The following TTLL11 variants were observed in gnomAD, a reference collection of about 807,000 sequenced individuals.
TTLL11 encodes tubulin tyrosine ligase like 11.
A neutral mutation model predicts 51.7 loss-of-function variants in TTLL11; 42 were observed. The ratio of observed to expected loss-of-function variants is 0.81; its 90% CI spans 0.64 to 1.05. The LOEUF (loss-of-function observed/expected upper bound fraction) is 1.05. Among genes scored for constraint, TTLL11 ranks in the 50% least tolerant of loss-of-function variants. The pLI is 0.00. For synonymous variants in TTLL11, 381 were observed against 383.5 expected, an observed-to-expected ratio of 0.99 and a Z score of 0.08; for missense variants, 799 against 940.4, an observed-to-expected ratio of 0.85 and a Z score of 1.97.
intron 8 of TTLL11, among the ~76,000 whole-genome samples, chr9:121,841,615 C>T (rs368289436): frequency 1.5e-4 from 23 of 152,258 alleles, no homozygotes; most frequent in African/African-American, 5.3e-4. Context: ...GGGCTGAGGA[C>T]ACATCTTTGC....
intron 3 of TTLL11, among the ~76,000 whole-genome samples, chr9:122,021,514 G>A (rs1292527963): frequency 6.6e-6 from 1 of 152,184 alleles, no homozygotes; most frequent in Non-Finnish European, 1.5e-5. Flanking sequence ...ACAGAGCCAG[G>A]AGTAGTGTCT....
chr9:122,023,985 C>T (rs11506794), intron 3 of TTLL11, among the ~76,000 whole-genome samples: 3 of 151,832 alleles, frequency 2.0e-5, no homozygotes, highest in South Asian at 2.1e-4. Context: ...AAGAAATAAA[C>T]GGCTAATTAC....
intron 3 of TTLL11, among the ~76,000 whole-genome samples, chr9:122,012,758 C>T (rs1367584467): frequency 6.6e-6 from 1 of 151,994 alleles, no homozygotes; most frequent in Non-Finnish European, 1.5e-5. Flanking sequence ...TAGCTCTTTT[C>T]TTCTCCTAAG....
chr9:121,984,784 T>C (rs1476940799), intron 4 of TTLL11, among the ~76,000 whole-genome samples: 1 of 152,136 alleles, frequency 6.6e-6, no homozygotes, highest in Non-Finnish European at 1.5e-5. Flanking sequence ...GACCAAGCAA[T>C]GGAACTGGGA....
intron 1 of TTLL11, among the ~76,000 whole-genome samples, chr9:122,061,103 G>A (rs538379708): frequency 1.3e-5 from 2 of 152,230 alleles, no homozygotes; most frequent in South Asian, 4.1e-4. Context: ...CACTTGCCTT[G>A]TTCACACATC....
intron 6 of TTLL11, among the ~76,000 whole-genome samples, chr9:121,938,425 AAC>A (rs1326714351): frequency 4.6e-5 from 7 of 152,180 alleles, no homozygotes; most frequent in African/African-American, 1.7e-4. Context: ...ATTCTTTGCA[AAC>A]AAAAAATAAG....
intron 6 of TTLL11, among the ~76,000 whole-genome samples, chr9:121,882,356 A>G (rs1463984960): frequency 6.6e-6 from 1 of 152,184 alleles, no homozygotes; most frequent in Non-Finnish European, 1.5e-5. Context: ...TGGCCGCAGC[A>G]CGAGAACACT....
At chr9:121,898,938 G>A (rs919795591) in intron 6 of TTLL11, among the ~76,000 whole-genome samples, 2 of 152,164 alleles carry the variant, frequency 1.3e-5, no homozygotes, top group Admixed American at 1.3e-4. Flanking sequence ...TCTGTTGCTG[G>A]GTGCCCTTCT....
chr9:121,869,854 C>T (rs1218479744), intron 7 of TTLL11, among the ~76,000 whole-genome samples: 1 of 152,106 alleles, frequency 6.6e-6, no homozygotes, highest in Non-Finnish European at 1.5e-5. Context: ...TGCTGTATTG[C>T]CCCAAAGTGC....
intron 6 of TTLL11, among the ~76,000 whole-genome samples, chr9:121,951,704 T>G (rs1841855574): frequency 6.6e-6 from 1 of 152,198 alleles, no homozygotes; most frequent in African/African-American, 2.4e-5. Context: ...GAGAGGTTTC[T>G]TGGACCTCCC....
rs1209317714 is a variant in TTLL11 at position 121,817,541 on chromosome 9, A to G, written c.*5046T>C. 6.6e-6 allele frequency: 1 copy of G among 152,234 alleles called. No homozygotes were observed. Among genetic ancestry groups the G allele is most frequent in the Non-Finnish European group, 1.5e-5 (1 of 68,046 alleles). The allele number at this position is 152,234 out of a possible 1,614,324, so 9.4% of individuals were successfully genotyped here. A position where few individuals can be genotyped will look rare whatever the true frequency, so the allele number is the denominator to read the frequency against. Reference sequence around the variant, plus strand: ...GAGACAGGACTTGCCACTCTCACTAAGTGGCTGGGAGACCTGGAGCCCTTC... The same window carrying G: ...GAGACAGGACTTGCCACTCTCACTAGGTGGCTGGGAGACCTGGAGCCCTTC... On this transcript the variant is annotated 3_prime_UTR_variant, in exon 9 of 9. Coordinates refer to ENST00000321582, the MANE Select transcript of TTLL11 (RefSeq NM_001139442.2).
chr9:121,891,094 C>A (rs80030184), intron 6 of TTLL11, among the ~76,000 whole-genome samples: 1,952 of 152,294 alleles, frequency 0.013, 41 homozygotes, highest in African/African-American at 0.045. Flanking sequence ...GTTTTTAACC[C>A]CTTTTGAAGC....
In TTLL11 at chr9:122,088,279, A is replaced by G. The variant is rs147088508; in HGVS notation, c.462+4408T>C. On this transcript the variant is annotated intron_variant, in intron 1 of 8. Coordinates refer to ENST00000321582, the MANE Select transcript of TTLL11 (RefSeq NM_001139442.2). ...GCCTGCCTTGTTGTTCCTACTCTGT[A>G]TGGAACATCCTTGAATCACTCACCT... Among the ~76,000 whole-genome samples the G allele has an allele frequency of 2.0e-3, 311 of 152,294 alleles. 2 individuals carry two copies. Among genetic ancestry groups the G allele is most frequent in the Non-Finnish European group, 3.7e-3 (249 of 68,024 alleles).
intron 7 of TTLL11, among the ~76,000 whole-genome samples, chr9:121,869,520 G>A (rs905559106): frequency 1.3e-5 from 2 of 152,176 alleles, no homozygotes; most frequent in Non-Finnish European, 2.9e-5. Flanking sequence ...ATTTGTTAAA[G>A]GGATCTAGAG....
chr9:122,073,524 G>A (rs1377692188), intron 1 of TTLL11, among the ~76,000 whole-genome samples: 1 of 152,232 alleles, frequency 6.6e-6, no homozygotes, highest in Non-Finnish European at 1.5e-5. Context: ...CACAAAGCAG[G>A]AGCATCAACC....
chr9:121,918,037 A>G (rs1255527950), intron 6 of TTLL11, among the ~76,000 whole-genome samples: 1 of 152,120 alleles, frequency 6.6e-6, no homozygotes, highest in East Asian at 1.9e-4. Flanking sequence ...TGAGCCTTGC[A>G]AAAAGGGAAA....
intron 8 of TTLL11, among the ~76,000 whole-genome samples, chr9:121,845,186 T>A (rs1280623531): frequency 2.6e-5 from 4 of 152,166 alleles, no homozygotes; most frequent in Non-Finnish European, 1.5e-5. Flanking sequence ...GTATATATAA[T>A]GCCTTAAGGA....
intron 8 of TTLL11, among the ~76,000 whole-genome samples, chr9:121,850,611 T>C (rs1260183627): frequency 6.6e-6 from 1 of 152,170 alleles, no homozygotes; most frequent in Non-Finnish European, 1.5e-5. Flanking sequence ...TTGGCCTTTT[T>C]GTTGCTGTTG....
intron 6 of TTLL11, among the ~76,000 whole-genome samples, chr9:121,972,468 G>A (rs887090456): frequency 2.6e-5 from 4 of 152,204 alleles, no homozygotes; most frequent in South Asian, 2.1e-4. Flanking sequence ...AGCACTGATC[G>A]GTGGAAGAAG....
Sources: allele counts gnomAD v4.1 joint callset (sites outside exome capture counted in the v4.1 genomes callset), GRCh38; gene constraint gnomAD v4.1.1; transcripts MANE v1.5; gene names NCBI Gene and HGNC (gene_info 2026-07-23, HGNC 2026-07-21).